EDA: variants seen among roughly 807,000 people sequenced by gnomAD.
EDA encodes the protein ectodysplasin-A.
A neutral mutation model predicts 23.6 loss-of-function variants in EDA; 2 were observed. The observed-to-expected ratio is 0.08, with a 90% CI of 0.03 to 0.27. The LOEUF (loss-of-function observed/expected upper bound fraction) is 0.27. Ranked by LOEUF, EDA falls within the 10% of genes least tolerant of loss-of-function variation. The pLI is 1.00. For synonymous variants in EDA, 131 were observed against 132.0 expected (o/e 0.99, Z 0.05); for missense variants, 229 against 324.2 (o/e 0.71, Z 2.26).
chrX:69,962,903 C>T (rs2019122205), intron 2 of EDA, among the ~76,000 whole-genome samples: 1 of 111,446 alleles, frequency 9.0e-6, no homozygotes, highest in Admixed American at 9.6e-5. Context: ...TTTTTGTTCT[C>T]ACTCATGCTA....
At chrX:69,682,562 C>T (rs760525222) in intron 1 of EDA, among the ~76,000 whole-genome samples, 10 of 112,242 alleles carry the variant, frequency 8.9e-5, no homozygotes, top group African/African-American at 3.2e-4. Context: ...GCGCAGTATT[C>T]GGGTGGGAGT....
chrX:69,704,958 C>CA (rs2011652572), intron 1 of EDA, among the ~76,000 whole-genome samples: 1 of 110,819 alleles, frequency 9.0e-6, no homozygotes, highest in South Asian at 3.8e-4. Flanking sequence ...TGGTGGCTCA[C>CA]ACCTGTAATC....
intron 1 of EDA, chrX:69,620,870 A>G (rs1301943545): frequency 2.7e-6 from 1 of 377,210 alleles, no homozygotes; most frequent in East Asian, 7.8e-5. Flanking sequence ...TATGTGAAAC[A>G]AAGACATTTT....
intron 1 of EDA, among the ~76,000 whole-genome samples, chrX:69,792,552 T>C (rs754840065): frequency 8.9e-6 from 1 of 112,429 alleles, no homozygotes; most frequent in South Asian, 3.7e-4. Context: ...CATACTGTTT[T>C]CTATAGTGGT....
intron 1 of EDA, among the ~76,000 whole-genome samples, chrX:69,833,499 CTT>C (rs1403716826): frequency 2.3e-5 from 2 of 88,041 alleles, no homozygotes; most frequent in Admixed American, 1.2e-4. Context: ...CTAAAATTCT[CTT>C]TTTTTTTTTT....
chrX:69,987,116 G>T (rs1229913922), intron 2 of EDA, among the ~76,000 whole-genome samples: 1 of 79,522 alleles, frequency 1.3e-5, no homozygotes, highest in East Asian at 4.3e-4. Context: ...ACACTCTGGG[G>T]ACTGTGGTGG....
intron 1 of EDA, among the ~76,000 whole-genome samples, chrX:69,781,773 A>G (rs146882873): frequency 0.076 from 8,402 of 110,940 alleles, 254 homozygotes; most frequent in Middle Eastern, 0.092. Flanking sequence ...TATCTGTTAG[A>G]CAGAAATTCT....
chrX:69,647,981 G>A (rs1205576352), intron 1 of EDA, among the ~76,000 whole-genome samples: 1 of 111,385 alleles, frequency 9.0e-6, no homozygotes, highest in African/African-American at 3.3e-5. Flanking sequence ...GTCCACTCCA[G>A]ACTCCAGTTG....
intron 1 of EDA, among the ~76,000 whole-genome samples, chrX:69,755,738 T>C (rs1017614103): frequency 8.9e-6 from 1 of 112,437 alleles, no homozygotes; most frequent in African/African-American, 3.2e-5. Context: ...AGCAGCTTTG[T>C]TTACCTACTC....
At chrX:69,880,007 G>A (rs2017719507) in intron 1 of EDA, among the ~76,000 whole-genome samples, 1 of 112,229 alleles carries the variant, frequency 8.9e-6, no homozygotes, top group African/African-American at 3.2e-5. Context: ...TCACTTTATT[G>A]TTATTTTAGT....
At chrX:69,686,240 G>T (rs866980695) in intron 1 of EDA, among the ~76,000 whole-genome samples, 1 of 111,932 alleles carries the variant, frequency 8.9e-6, no homozygotes, top group Non-Finnish European at 1.9e-5. Flanking sequence ...CAGGTAATCC[G>T]CCCACCTTGG....
chrX:69,982,601 G>C lies in EDA; in HGVS notation c.502+25469G>C, dbSNP rs905471719. ...CCAGAAATTCACTTTTGAGGATATT[G>C]TGTGCTCTGCAGATTTTTTTTCTTA... On this transcript the variant is annotated intron_variant, in intron 2 of 7. Coordinates refer to ENST00000374552, the MANE Select transcript of EDA (RefSeq NM_001399.5). Among the ~76,000 whole-genome samples, 282 of 111,044 alleles carry C rather than the reference G, an allele frequency of 2.5e-3. 2 individuals carry two copies. Among genetic ancestry groups the C allele is most frequent in the Admixed American group, 3.5e-3 (37 of 10,525 alleles).
At chrX:69,824,409 T>A (rs1228758766) in intron 1 of EDA, among the ~76,000 whole-genome samples, 1 of 109,765 alleles carries the variant, frequency 9.1e-6, no homozygotes, top group Non-Finnish European at 1.9e-5. Flanking sequence ...GAAGAGGTCC[T>A]TCACATCCCT....
At chrX:70,024,344 G>A (rs933333052) in intron 3 of EDA, among the ~76,000 whole-genome samples, 2 of 112,288 alleles carry the variant, frequency 1.8e-5, no homozygotes, top group African/African-American at 6.5e-5. Flanking sequence ...AAGAAGCTGA[G>A]GAATGGCCTG....
At chrX:69,863,892 G>A (rs1301572973) in intron 1 of EDA, among the ~76,000 whole-genome samples, 2 of 109,986 alleles carry the variant, frequency 1.8e-5, no homozygotes, top group African/African-American at 6.6e-5. Context: ...GCAAAAACTG[G>A]CAGCTTTTCA....
At chrX:69,925,725 T>C (rs189561320) in intron 1 of EDA, among the ~76,000 whole-genome samples, 69 of 109,986 alleles carry the variant, frequency 6.3e-4, no homozygotes, top group African/African-American at 2.0e-3. Flanking sequence ...GAAGGAATGG[T>C]ACCAGCTTCT....
intron 1 of EDA, among the ~76,000 whole-genome samples, chrX:69,928,892 A>G (rs1411903451): frequency 2.7e-5 from 3 of 111,818 alleles, no homozygotes; most frequent in African/African-American, 9.7e-5. Flanking sequence ...TATCCTTTAT[A>G]AAAAGCAGGA....
intron 1 of EDA, among the ~76,000 whole-genome samples, chrX:69,829,083 A>C (rs1350822552): frequency 8.9e-6 from 1 of 112,169 alleles, no homozygotes; most frequent in Non-Finnish European, 1.9e-5. Flanking sequence ...TCCTTCAGGG[A>C]AATGATTATA....
intron 1 of EDA, among the ~76,000 whole-genome samples, chrX:69,756,041 A>G (rs2014104034): frequency 8.9e-6 from 1 of 111,872 alleles, no homozygotes; most frequent in Non-Finnish European, 1.9e-5. Flanking sequence ...GCCCTGCTCC[A>G]TGGGCTGCAC....
Sources: gnomAD v4.1 joint callset for allele counts (sites outside exome capture counted in the v4.1 genomes callset) on GRCh38, gnomAD v4.1.1 for gene constraint, MANE v1.5 for transcripts, NCBI Gene and HGNC (gene_info 2026-07-23, HGNC 2026-07-21) for gene names.